The following TPD52 variants were observed in gnomAD, a reference collection of about 807,000 sequenced individuals.
The protein encoded by TPD52 is tumor protein D52, also known as prostate and colon associated protein.
TPD52 carries 17 observed loss-of-function variants against 31.3 expected under a neutral mutation model. That is an observed-to-expected ratio of 0.54 (90% CI 0.37 to 0.82). The LOEUF is 0.82. Ranked by LOEUF, TPD52 falls within the 40% of genes least tolerant of loss-of-function variation. The pLI is 0.00. For missense variants in TPD52, 212 were observed against 240.1 expected (o/e 0.88, Z 0.77); for synonymous variants, 83 against 89.6 (o/e 0.93, Z 0.42).
chr8:80,129,107 C>A (rs754881939), intron 1 of TPD52, among the ~76,000 whole-genome samples: 2 of 152,054 alleles, frequency 1.3e-5, no homozygotes, highest in Non-Finnish European at 2.9e-5. Context: ...AAGCTTGATA[C>A]TTCCTAGTTC....
chr8:80,128,263 A>G (rs964601674), intron 1 of TPD52, among the ~76,000 whole-genome samples: 4 of 152,080 alleles, frequency 2.6e-5, no homozygotes, highest in Non-Finnish European at 5.9e-5. Context: ...GGAAAACAAC[A>G]TATCACCTCA....
At chr8:80,161,890 G>A (rs2217064) in intron 1 of TPD52, among the ~76,000 whole-genome samples, 58,096 of 151,436 alleles carry the variant, frequency 0.38, 11,922 homozygotes, top group East Asian at 0.72. Context: ...CCACCACGCC[G>A]GGCTAATTTT....
intron 1 of TPD52, among the ~76,000 whole-genome samples, chr8:80,130,279 A>G (rs1013498625): frequency 2.0e-5 from 3 of 152,176 alleles, no homozygotes; most frequent in African/African-American, 7.2e-5. Context: ...CACCATTAAA[A>G]ACTTCTAACT....
chr8:80,170,138 G>C (rs1264493497), intron 1 of TPD52, among the ~76,000 whole-genome samples: 1 of 152,208 alleles, frequency 6.6e-6, no homozygotes, highest in Non-Finnish European at 1.5e-5. Context: ...GTACAGGCCT[G>C]GCCCAGTGGC....
chr8:80,050,328 C>A, intron 5 of TPD52, 117 bp downstream of exon 5: 1 of 985,646 alleles, frequency 1.0e-6, no homozygotes. Flanking sequence ...ATACTCTAAA[C>A]GCAAGAAAAT....
intron 1 of TPD52, among the ~76,000 whole-genome samples, chr8:80,088,535 G>A (rs1816002845): frequency 6.6e-6 from 1 of 152,108 alleles, no homozygotes; most frequent in African/African-American, 2.4e-5. Context: ...TTAGGAATGG[G>A]AGGCCAAAGC....
At chr8:80,070,412 T>A (rs113473595) in intron 1 of TPD52, among the ~76,000 whole-genome samples, 5,116 of 152,232 alleles carry the variant, frequency 0.034, 124 homozygotes, top group African/African-American at 0.069. Flanking sequence ...AGGGACTGGT[T>A]TCATGGAAGA....
rs927552400 is a variant in TPD52, at chr8:80,046,653, T to A, written c.414-2445A>T. Among the ~76,000 whole-genome samples the A allele has an allele frequency of 3.0e-4, 46 of 152,294 alleles. 1 individual carries two copies. The highest frequency in any genetic ancestry group is 1.1e-3 in the African/African-American group (45 of 41,554). ...GTTACCATCTATAAGGCACATTTTG[T>A]TAAAAATGTTGCATCTTATTTGTAA... On this transcript the variant is annotated intron_variant, in intron 5 of 7. Coordinates refer to ENST00000518937, the MANE Select transcript of TPD52 (RefSeq NM_001025253.3).
intron 1 of TPD52, among the ~76,000 whole-genome samples, chr8:80,096,297 C>CACACAG (rs2130909016): frequency 1.3e-5 from 2 of 151,462 alleles, no homozygotes; most frequent in African/African-American, 4.8e-5. Context: ...CACAAACACA[C>CACACAG]ACACACACAC....
At chr8:80,132,126 C>A (rs1161315663) in intron 1 of TPD52, among the ~76,000 whole-genome samples, 2 of 151,466 alleles carry the variant, frequency 1.3e-5, no homozygotes, top group Non-Finnish European at 2.9e-5. Flanking sequence ...ATCTCCTGGG[C>A]TCATGCAATC....
At chr8:80,038,271 G>A (rs1563555862) in intron 7 of TPD52, 36 bp from the exon 8 acceptor site, 1 of 1,608,804 alleles carries the variant, frequency 6.2e-7, no homozygotes, top group Non-Finnish European at 8.5e-7. Context: ...AAGACATTAT[G>A]AAACATAAAA....
At chr8:80,087,906 C>G (rs931042926) in intron 1 of TPD52, among the ~76,000 whole-genome samples, 1 of 152,212 alleles carries the variant, frequency 6.6e-6, no homozygotes. Flanking sequence ...ATAAAAAGTA[C>G]TTGATTTTAA....
intron 1 of TPD52, among the ~76,000 whole-genome samples, chr8:80,143,138 A>C (rs1051392587): frequency 6.6e-6 from 1 of 152,208 alleles, no homozygotes; most frequent in African/African-American, 2.4e-5. Context: ...TCCCATCTGA[A>C]AATTACTACA....
intron 1 of TPD52, chr8:80,080,332 G>A: frequency 6.2e-7 from 1 of 1,614,140 alleles, no homozygotes; most frequent in Non-Finnish European, 8.5e-7. Flanking sequence ...CTGAAGAGTA[G>A]GTGATCCGGG....
At position 80,124,694 on chromosome 8, in the gene TPD52, C is replaced by T. The variant is rs536959419; in HGVS notation, c.19+46731G>A. On this transcript the variant is annotated intron_variant, in intron 1 of 7. Coordinates refer to ENST00000518937, the MANE Select transcript of TPD52 (RefSeq NM_001025253.3). Reference sequence around the variant, plus strand: ...TTTCACTAGCATAAAAATAACATCACTCTAGGGGAGAAAGAATTTTTTTTT... The same window carrying T: ...TTTCACTAGCATAAAAATAACATCATTCTAGGGGAGAAAGAATTTTTTTTT... 9.2e-5 allele frequency among the ~76,000 whole-genome samples: 14 copies of T among 152,242 alleles called. No homozygotes were observed. The South Asian group carries it at 2.9e-3, about 32-fold the overall frequency.
rs955761750 is a variant in TPD52, at chr8:80,035,030, C to G, written c.*3086G>C. On this transcript the variant is annotated 3_prime_UTR_variant, in exon 8 of 8. Transcript: ENST00000518937. ...ATGAAATCTAAGATGTGCAGGTTTA[C>G]TTAAAAGTGATAATGGTTTATATTA... 6.6e-6 allele frequency: 1 copy of G among 152,176 alleles called. No homozygotes were observed. Among genetic ancestry groups the G allele is most frequent in the African/African-American group, 2.4e-5 (1 of 41,430 alleles). 9.4% of individuals were successfully genotyped at this position (152,176 alleles called of 1,614,324 possible).
chr8:80,045,380 T>C (rs1266488782), intron 5 of TPD52, among the ~76,000 whole-genome samples: 2 of 152,170 alleles, frequency 1.3e-5, no homozygotes, highest in African/African-American at 2.4e-5. Flanking sequence ...ATATGATAGG[T>C]GGATCAGTGG....
At chr8:80,069,862 A>T (rs1813576696) in intron 1 of TPD52, among the ~76,000 whole-genome samples, 1 of 152,136 alleles carries the variant, frequency 6.6e-6, no homozygotes, top group South Asian at 2.1e-4. Flanking sequence ...CAGAGCAGGG[A>T]AAGGCAGAGC....
intron 1 of TPD52, among the ~76,000 whole-genome samples, chr8:80,095,124 T>C (rs1387182514): frequency 6.6e-6 from 1 of 151,932 alleles, no homozygotes; most frequent in Non-Finnish European, 1.5e-5. Flanking sequence ...ACCACCAAGA[T>C]GTCATTCAGT....
Sources: gnomAD v4.1 joint callset for allele counts (sites outside exome capture counted in the v4.1 genomes callset) on GRCh38, gnomAD v4.1.1 for gene constraint, MANE v1.5 for transcripts, NCBI Gene and HGNC (gene_info 2026-07-23, HGNC 2026-07-21) for gene names.